Variants in DNMBP observed in about 807,000 individuals in gnomAD.
The protein encoded by DNMBP is dynamin binding protein.
Under a neutral mutation model 150.0 loss-of-function variants are expected in DNMBP, and 87 were observed. The observed-to-expected ratio is 0.58, with a 90% CI of 0.49 to 0.69. The LOEUF is 0.69. Among genes scored for constraint, DNMBP ranks in the 30% least tolerant of loss-of-function variants. The pLI, the probability that DNMBP is intolerant of heterozygous loss-of-function variation, is 0.00. For synonymous variants in DNMBP, 711 were observed against 750.4 expected (o/e 0.95, Z 0.86); for missense variants, 1,774 against 1,949.0 (o/e 0.91, Z 1.69).
At chr10:99,942,041 C>A (rs1354209410) in intron 4 of DNMBP, among the ~76,000 whole-genome samples, 2 of 152,144 alleles carry the variant, frequency 1.3e-5, no homozygotes, top group Non-Finnish European at 2.9e-5. Context: ...TCTCTTCTTA[C>A]CCTAAATGAT....
rs1589458237 is a variant in DNMBP, at chr10:100,005,786, C to CAAAAAAAAAAAAAAAA, written c.-11+4051_-11+4052insTTTTTTTTTTTTTTTT. On this transcript the variant is annotated intron_variant, in intron 1 of 16. Coordinates refer to ENST00000324109, the MANE Select transcript of DNMBP (RefSeq NM_015221.4). ...CTCCAAAAAAAAAAAAAAAAAAAAC[C>CAAAAAAAAAAAAAAAA]AAACTACATAAAGGAAAATGAATTA... Among the ~76,000 whole-genome samples the CAAAAAAAAAAAAAAAA allele has an allele frequency of 1.1e-3, 112 of 101,010 alleles. 4 individuals are homozygous for CAAAAAAAAAAAAAAAA. The highest frequency in any genetic ancestry group is 2.8e-3 in the South Asian group (9 of 3,168). The allele number at this position is 101,010 out of a possible 152,430, so 66.3% of individuals were successfully genotyped here.
At chr10:100,004,434 A>C in intron 1 of DNMBP, among the ~76,000 whole-genome samples, 1 of 152,140 alleles carries the variant, frequency 6.6e-6, no homozygotes, top group East Asian at 1.9e-4. Context: ...AAATTAGAGC[A>C]ATTAAAAAAA....
intron 4 of DNMBP, among the ~76,000 whole-genome samples, chr10:99,948,760 C>T (rs113651810): frequency 1.4e-4 from 22 of 152,042 alleles, no homozygotes; most frequent in Admixed American, 1.0e-3. Context: ...GCTAGGAGTT[C>T]GAGACCAGGC....
At position 99,970,971 on chromosome 10, in the gene DNMBP, C is replaced by CAAAAAAA. The variant is rs532226561; in HGVS notation, c.145+1002_145+1008dup. ...TGGGCAACAGAGCAAGACTCCGTCTCAAAAAAAAAAAAAAAAAAAAAAAAA... is the reference window on the plus strand; with the variant it reads ...TGGGCAACAGAGCAAGACTCCGTCTCAAAAAAAAAAAAAAAAAAAAAAAAAAAAAAAA... On this transcript the variant is annotated intron_variant, in intron 2 of 16. Transcript: ENST00000324109. 3.4e-3 allele frequency among the ~76,000 whole-genome samples: 112 copies of CAAAAAAA among 33,188 alleles called. 24 individuals carry two copies. The highest frequency in any genetic ancestry group is 0.015 in the East Asian group (11 of 726). 21.8% of individuals were successfully genotyped at this position (33,188 alleles called of 152,430 possible).
intron 4 of DNMBP, among the ~76,000 whole-genome samples, chr10:99,938,330 G>A (rs2040256194): frequency 6.6e-6 from 1 of 152,134 alleles, no homozygotes; most frequent in African/African-American, 2.4e-5. Flanking sequence ...GATCACTTGA[G>A]GTCAGAAGTT....
chr10:99,923,244 C>A (rs1351890297), intron 4 of DNMBP, among the ~76,000 whole-genome samples: 1 of 152,114 alleles, frequency 6.6e-6, no homozygotes, highest in Non-Finnish European at 1.5e-5. Flanking sequence ...CAAAAATTAG[C>A]CAGGTGTGGT....
intron 6 of DNMBP, among the ~76,000 whole-genome samples, 184 bp downstream of exon 6, chr10:99,907,811 C>T (rs1403904986): frequency 6.6e-6 from 1 of 152,212 alleles, no homozygotes; most frequent in African/African-American, 2.4e-5. Context: ...CTATTGCTAA[C>T]ATCCTATTAT....
At chr10:99,942,450 A>C (rs2133307493) in intron 4 of DNMBP, among the ~76,000 whole-genome samples, 1 of 152,314 alleles carries the variant, frequency 6.6e-6, no homozygotes, top group Admixed American at 6.5e-5. Context: ...AGTGAACAGT[A>C]AAAGGCAGCA....
intron 3 of DNMBP, among the ~76,000 whole-genome samples, chr10:99,959,548 T>C (rs765557406): frequency 6.6e-5 from 10 of 151,968 alleles, no homozygotes; most frequent in Non-Finnish European, 1.2e-4. Flanking sequence ...GGGGTCTCAA[T>C]AACTTTTAAG....
At chr10:99,919,621 C>T (rs2040000555) in intron 4 of DNMBP, among the ~76,000 whole-genome samples, 1 of 152,202 alleles carries the variant, frequency 6.6e-6, no homozygotes, top group South Asian at 2.1e-4. Context: ...GGTAAAACCC[C>T]GTCTTTACTA....
intron 4 of DNMBP, among the ~76,000 whole-genome samples, chr10:99,949,860 A>C (rs1019516944): frequency 2.0e-5 from 3 of 152,312 alleles, no homozygotes; most frequent in Non-Finnish European, 2.9e-5. Context: ...TGCACACACA[A>C]AAAATAAAAA....
At chr10:99,947,476 T>C (rs766995785) in intron 4 of DNMBP, among the ~76,000 whole-genome samples, 1 of 151,482 alleles carries the variant, frequency 6.6e-6, no homozygotes, top group Non-Finnish European at 1.5e-5. Flanking sequence ...AACCAAATAT[T>C]GCATGTTTTC....
chr10:99,894,317 T>C (rs530355068), intron 11 of DNMBP, among the ~76,000 whole-genome samples: 1 of 152,288 alleles, frequency 6.6e-6, no homozygotes, highest in African/African-American at 2.4e-5. Context: ...CAGCATCCTA[T>C]ATTAAATCAA....
At chr10:99,919,790 G>A (rs1038961335) in intron 4 of DNMBP, among the ~76,000 whole-genome samples, 4 of 152,222 alleles carry the variant, frequency 2.6e-5, no homozygotes, top group African/African-American at 9.6e-5. Context: ...CCATCTGGGA[G>A]CTGGGGCAAG....
chr10:99,948,714 G>C (rs1238829419), intron 4 of DNMBP, among the ~76,000 whole-genome samples: 3 of 152,106 alleles, frequency 2.0e-5, no homozygotes, highest in African/African-American at 7.2e-5. Flanking sequence ...TGTAATCCCA[G>C]CACTTTGGGA....
chr10:99,947,744 C>A (rs577589364), intron 4 of DNMBP, among the ~76,000 whole-genome samples: 57 of 152,248 alleles, frequency 3.7e-4, no homozygotes, highest in Admixed American at 3.7e-3. Flanking sequence ...AAATAAAATT[C>A]TATTTTAAGA....
chr10:99,883,604 G>GC (rs2039402729), intron 15 of DNMBP, among the ~76,000 whole-genome samples: 1 of 127,468 alleles, frequency 7.8e-6, no homozygotes, highest in Admixed American at 1.0e-4. Context: ...TTGTGCCACT[G>GC]CACTCCAGCC....
At chr10:99,975,775 G>A (rs1422913459) in intron 1 of DNMBP, among the ~76,000 whole-genome samples, 1 of 152,166 alleles carries the variant, frequency 6.6e-6, no homozygotes, top group Non-Finnish European at 1.5e-5. Flanking sequence ...ATTTCACCTT[G>A]GACATCTTAC....
At chr10:99,922,927 C>G (rs2040039772) in intron 4 of DNMBP, among the ~76,000 whole-genome samples, 1 of 152,176 alleles carries the variant, frequency 6.6e-6, no homozygotes, top group Middle Eastern at 3.2e-3. Context: ...AACATTTTCT[C>G]CTTTTCTTTT....
Sources: gnomAD v4.1 joint callset for allele counts (sites outside exome capture counted in the v4.1 genomes callset) on GRCh38, gnomAD v4.1.1 for gene constraint, MANE v1.5 for transcripts, NCBI Gene and HGNC (gene_info 2026-07-23, HGNC 2026-07-21) for gene names.